The following BIRC2 variants were observed in gnomAD, a reference collection of about 807,000 sequenced individuals.
BIRC2 encodes baculoviral IAP repeat containing 2.
Under a neutral mutation model 60.9 loss-of-function variants are expected in BIRC2, and 18 were observed. The observed-to-expected ratio is 0.30, with a 90% CI of 0.20 to 0.44. The LOEUF is 0.44. Among genes scored for constraint, BIRC2 ranks in the 20% least tolerant of loss-of-function variants. The pLI, the probability that BIRC2 is intolerant of heterozygous loss-of-function variation, is 1.00. For missense variants in BIRC2, 701 were observed against 728.5 expected, an observed-to-expected ratio of 0.96 and a Z score of 0.43; for synonymous variants, 282 against 247.7, an observed-to-expected ratio of 1.14 and a Z score of -1.30.
At chr11:102,369,577 G>C (rs1021621647) in intron 6 of BIRC2, among the ~76,000 whole-genome samples, 4 of 145,502 alleles carry the variant, frequency 2.7e-5, no homozygotes, top group African/African-American at 1.0e-4. Context: ...TTGGACATTT[G>C]GGTTGGTTCC....
intron 3 of BIRC2, among the ~76,000 whole-genome samples, chr11:102,352,025 T>G (rs1951368401): frequency 2.6e-5 from 4 of 152,172 alleles, no homozygotes; most frequent in South Asian, 4.1e-4. Flanking sequence ...CTTCCCAAAC[T>G]GAAACTGTCT....
intron 3 of BIRC2, among the ~76,000 whole-genome samples, chr11:102,361,051 A>G (rs1288104582): frequency 6.6e-6 from 1 of 151,962 alleles, no homozygotes; most frequent in Non-Finnish European, 1.5e-5. Context: ...CCCATGGGAG[A>G]CATTGTGGCC....
At chr11:102,351,527 A>G (rs926549334) in intron 3 of BIRC2, among the ~76,000 whole-genome samples, 2 of 146,288 alleles carry the variant, frequency 1.4e-5, no homozygotes, top group African/African-American at 5.0e-5. Context: ...AGACAGGAGA[A>G]TCGCTTGAGC....
chr11:102,364,962 A>G (rs771180120), intron 5 of BIRC2, among the ~76,000 whole-genome samples: 13 of 152,202 alleles, frequency 8.5e-5, no homozygotes, highest in African/African-American at 2.7e-4. Context: ...CACTTTGTCA[A>G]TCTTTAAAAT....
intron 3 of BIRC2, among the ~76,000 whole-genome samples, chr11:102,352,669 G>T (rs1019247755): frequency 6.6e-6 from 1 of 152,078 alleles, no homozygotes; most frequent in Non-Finnish European, 1.5e-5. Context: ...GAGCTCAAGT[G>T]ATCTGCTCAC....
chr11:102,366,769 C>G (rs540944454), intron 5 of BIRC2, among the ~76,000 whole-genome samples: 1 of 152,138 alleles, frequency 6.6e-6, no homozygotes, highest in Non-Finnish European at 1.5e-5. Flanking sequence ...ACATCTCCAC[C>G]GAGCTGCCAG....
At chr11:102,372,587 C>G (rs1403190720) in intron 6 of BIRC2, among the ~76,000 whole-genome samples, 7 of 147,988 alleles carry the variant, frequency 4.7e-5, no homozygotes, top group Admixed American at 1.4e-4. Context: ...TTACTTCCAA[C>G]TATGTGGTCA....
chr11:102,372,589 A>C (rs1468320197), intron 6 of BIRC2, among the ~76,000 whole-genome samples: 1 of 148,228 alleles, frequency 6.7e-6, no homozygotes, highest in Non-Finnish European at 1.5e-5. Flanking sequence ...ACTTCCAACT[A>C]TGTGGTCAAT....
intron 5 of BIRC2, among the ~76,000 whole-genome samples, chr11:102,365,150 A>C (rs759623661): frequency 5.3e-5 from 8 of 152,234 alleles, no homozygotes; most frequent in Non-Finnish European, 1.2e-4. Flanking sequence ...TGTTCATAAA[A>C]GATGAATTGT....
intron 6 of BIRC2, among the ~76,000 whole-genome samples, chr11:102,371,631 T>A (rs1399086853): frequency 6.7e-6 from 1 of 148,632 alleles, no homozygotes; most frequent in African/African-American, 2.5e-5. Flanking sequence ...AAATTCTCTT[T>A]TTTTGTTGTG....
intron 6 of BIRC2, among the ~76,000 whole-genome samples, chr11:102,374,106 G>C (rs1280112060): frequency 6.8e-6 from 1 of 146,958 alleles, no homozygotes; most frequent in African/African-American, 2.5e-5. Context: ...CTTTGCCTTT[G>C]GTTTGAATGT....
Position 102,354,130 on chromosome 11 carries a change from T to C in BIRC2, c.995+3187T>C, listed in dbSNP as rs112916421. Among the ~76,000 whole-genome samples the C allele has an allele frequency of 5.6e-4, 86 of 152,258 alleles. 1 individual carries two copies. The highest frequency in any genetic ancestry group is 2.0e-3 in the African/African-American group (84 of 41,562). Reference sequence around the variant, plus strand: ...CAAACCTGTGTTGTTCAAGGGCCAGTTGTATTTGTCTTTCTCTGGCATATT... The same window carrying C: ...CAAACCTGTGTTGTTCAAGGGCCAGCTGTATTTGTCTTTCTCTGGCATATT... On this transcript the variant is annotated intron_variant, in intron 3 of 8. Transcript: ENST00000227758.
chr11:102,361,348 G>A (rs1352895410), intron 3 of BIRC2, among the ~76,000 whole-genome samples: 2 of 152,170 alleles, frequency 1.3e-5, no homozygotes, highest in Non-Finnish European at 2.9e-5. Context: ...TGGAGAGTGT[G>A]TGATTAGAGC....
In BIRC2 at chr11:102,348,764, G is replaced by T; in HGVS notation, c.-1091G>T. On this transcript the variant is annotated 5_prime_UTR_variant, in exon 2 of 9. In the 5' UTR this introduces an upstream ATG that the reference lacks. Coordinates refer to ENST00000227758, the MANE Select transcript of BIRC2 (RefSeq NM_001166.5). Reference sequence around the variant, plus strand: ...AACATTGAAGAGTTTTCAGAAAGAAGGCTAGTAGAGTTGATTACTGATACT... The same window carrying T: ...AACATTGAAGAGTTTTCAGAAAGAATGCTAGTAGAGTTGATTACTGATACT... The T allele has an allele frequency of 2.7e-6, 1 of 373,674 alleles. No individual in the cohort carries two copies. Among genetic ancestry groups the T allele is most frequent in the Non-Finnish European group, 5.2e-6 (1 of 193,278 alleles). 23.1% of individuals were successfully genotyped at this position (373,674 alleles called of 1,614,324 possible). A position where few individuals can be genotyped will look rare whatever the true frequency, so the allele number is the denominator to read the frequency against.
In BIRC2 at chr11:102,368,499, T is replaced by C; in HGVS notation, c.1317T>C (p.Asp439=). ...TGTCAGCACTTCTTAATGCTGAAGATGAAAAAAGAGAAGAGGAGAAGGAAA... is the reference window on the plus strand; with the variant it reads ...TGTCAGCACTTCTTAATGCTGAAGACGAAAAAAGAGAAGAGGAGAAGGAAA... The part of the protein sequence containing the change: ...DIVSALLNAE[D]EKREEEKEKQ... Residue 439 remains aspartate (D), a synonymous_variant, in exon 6 of 9, where the codon GAT becomes GAC. Coordinates refer to ENST00000227758, the MANE Select transcript of BIRC2 (RefSeq NM_001166.5). 2 of 1,613,418 alleles carry C rather than the reference T, an allele frequency of 1.2e-6. No individual in the cohort carries two copies. Among genetic ancestry groups the C allele is most frequent in the African/African-American group, 2.7e-5 (2 of 74,878 alleles).
At chr11:102,375,661 T>C (rs1951703451) in intron 6 of BIRC2, among the ~76,000 whole-genome samples, 1 of 151,592 alleles carries the variant, frequency 6.6e-6, no homozygotes, top group Admixed American at 6.6e-5. Flanking sequence ...ATGCCTGTAG[T>C]CCCAGCTATT....
At chr11:102,374,901 C>A (rs1317334866) in intron 6 of BIRC2, among the ~76,000 whole-genome samples, 1 of 152,236 alleles carries the variant, frequency 6.6e-6, no homozygotes, top group Non-Finnish European at 1.5e-5. Context: ...CTGAAAAGCG[C>A]AATATTCGGG....
intron 5 of BIRC2, among the ~76,000 whole-genome samples, chr11:102,364,769 T>G (rs1355749041): frequency 2.0e-5 from 3 of 152,162 alleles, no homozygotes; most frequent in African/African-American, 7.2e-5. Flanking sequence ...TTTGGTAGTA[T>G]TTGACTGGAA....
intron 8 of BIRC2, 37 bp downstream of exon 8, chr11:102,377,935 C>T (rs1399091541): frequency 2.5e-6 from 4 of 1,602,356 alleles, no homozygotes; most frequent in African/African-American, 2.7e-5. Flanking sequence ...GAACTATTAC[C>T]CTTTTTTTTT....
Sources: allele counts gnomAD v4.1 joint callset (sites outside exome capture counted in the v4.1 genomes callset), GRCh38; gene constraint gnomAD v4.1.1; transcripts MANE v1.5; gene names NCBI Gene and HGNC (gene_info 2026-07-23, HGNC 2026-07-21).